Variants in TRIB2 observed in about 807,000 individuals in gnomAD.
TRIB2 encodes the protein tribbles pseudokinase 2, also known as tribbles homolog 2.
Under a neutral mutation model 26.8 loss-of-function variants are expected in TRIB2, and 2 were observed. That is an observed-to-expected ratio of 0.07 (90% CI 0.03 to 0.24). The LOEUF (loss-of-function observed/expected upper bound fraction) is 0.24. Ranked by LOEUF, TRIB2 falls within the 10% of genes least tolerant of loss-of-function variation. TRIB2 has a pLI of 1.00. For missense variants in TRIB2, 306 were observed against 449.0 expected, an observed-to-expected ratio of 0.68 and a Z score of 2.88; for synonymous variants, 189 against 187.3, an observed-to-expected ratio of 1.01 and a Z score of -0.08.
At chr2:12,736,510 A>T (rs1256581823) in intron 2 of TRIB2, among the ~76,000 whole-genome samples, 1 of 152,118 alleles carries the variant, frequency 6.6e-6, no homozygotes, top group Non-Finnish European at 1.5e-5. Context: ...GCTGTCATTT[A>T]CAAAGCCCAT....
intron 2 of TRIB2, among the ~76,000 whole-genome samples, chr2:12,731,737 C>T (rs1006125802): frequency 2.0e-5 from 3 of 152,218 alleles, no homozygotes; most frequent in Non-Finnish European, 2.9e-5. Flanking sequence ...TCAAGTGCAG[C>T]GTCCCTGTCT....
chr2:12,739,642 C>T (rs1270577976), intron 2 of TRIB2, among the ~76,000 whole-genome samples: 1 of 152,148 alleles, frequency 6.6e-6, no homozygotes, highest in Non-Finnish European at 1.5e-5. Flanking sequence ...CTGCCTGGTC[C>T]TAAAGAGAGG....
rs924202975 is a variant in TRIB2, at chr2:12,741,724, C to T, written c.*930C>T. On this transcript the variant is annotated 3_prime_UTR_variant, in exon 3 of 3. Transcript: ENST00000155926. ...TCTGATGCTTTTGCAGTACTCTGAT[C>T]GCAACTAAACATTTGTCTTTGTTTT... 1.3e-5 allele frequency: 2 copies of T among 152,564 alleles called. No individual in the cohort carries two copies. The highest frequency in any genetic ancestry group is 4.8e-5 in the African/African-American group (2 of 41,456). 9.5% of individuals were successfully genotyped at this position (152,564 alleles called of 1,614,324 possible). A position where few individuals can be genotyped will look rare whatever the true frequency, so the allele number is the denominator to read the frequency against.
intron 2 of TRIB2, among the ~76,000 whole-genome samples, chr2:12,731,046 T>G (rs1661442208): frequency 6.6e-6 from 1 of 152,222 alleles, no homozygotes; most frequent in Non-Finnish European, 1.5e-5. Context: ...CCTACGGTGC[T>G]AGGTGTTGAT....
chr2:12,728,862 T>C (rs1283505285), intron 2 of TRIB2, among the ~76,000 whole-genome samples: 1 of 152,168 alleles, frequency 6.6e-6, no homozygotes, highest in African/African-American at 2.4e-5. Context: ...TTAGTATCTT[T>C]ATTGGCTTTT....
At chr2:12,728,903 A>G (rs1661388428) in intron 2 of TRIB2, among the ~76,000 whole-genome samples, 1 of 152,132 alleles carries the variant, frequency 6.6e-6, no homozygotes. Context: ...ACCCGCCTCC[A>G]TTGAGGTCTC....
intron 2 of TRIB2, among the ~76,000 whole-genome samples, chr2:12,739,207 A>G (rs1482178969): frequency 1.3e-5 from 2 of 152,252 alleles, no homozygotes; most frequent in African/African-American, 4.8e-5. Flanking sequence ...CCTTGGGAGT[A>G]TGAGGGGCAG....
chr2:12,718,157 C>G lies in TRIB2; in HGVS notation c.-151C>G, dbSNP rs1032047781. ...TCCGGCGGCGCCCATTTGGGGGCTT[C>G]TAACTCTTTCTCCACGCAGCCCCTC... On this transcript the variant is annotated 5_prime_UTR_variant, in exon 1 of 3. Coordinates refer to ENST00000155926, the MANE Select transcript of TRIB2 (RefSeq NM_021643.4). This position sits in a 1 kb window ranked among gnomAD's most constrained non-coding sequence, Gnocchi z 4.0. The G allele has an allele frequency of 8.8e-7, 1 of 1,137,414 alleles. No individual in the cohort carries two copies. The highest frequency in any genetic ancestry group is 1.6e-5 in the African/African-American group (1 of 63,730). The allele number at this position is 1,137,414 out of a possible 1,614,324, so 70.5% of individuals were successfully genotyped here.
chr2:12,736,434 C>A (rs769973387), intron 2 of TRIB2, among the ~76,000 whole-genome samples: 47 of 151,546 alleles, frequency 3.1e-4, no homozygotes, highest in Middle Eastern at 3.4e-3. Context: ...GTCATATCTC[C>A]CTCCCACCTT....
At chr2:12,729,472 AT>A (rs1306892266) in intron 2 of TRIB2, among the ~76,000 whole-genome samples, 2 of 152,174 alleles carry the variant, frequency 1.3e-5, no homozygotes, top group Admixed American at 1.3e-4. Flanking sequence ...AAACGTATAC[AT>A]CCCCTATGGA....
In TRIB2 at chr2:12,717,538, G is replaced by T. The variant is rs1666619486; in HGVS notation, c.-770G>T. 2.5e-6 allele frequency: 1 copy of T among 398,252 alleles called. No individual in the cohort carries two copies. The highest frequency in any genetic ancestry group is 4.4e-5 in the Admixed American group (1 of 22,706). The allele number at this position is 398,252 out of a possible 1,614,324, so 24.7% of individuals were successfully genotyped here. ...TGCGCCCAGCCCGCGCCGCAACTCT[G>T]TGCCCAGCTTTTGCAATCTTTTGTT... On this transcript the variant is annotated 5_prime_UTR_variant, in exon 1 of 3. Coordinates refer to ENST00000155926, the MANE Select transcript of TRIB2 (RefSeq NM_021643.4). The surrounding 1 kb of genome is among the most constrained non-coding windows in gnomAD (Gnocchi z 4.8).
chr2:12,722,732 A>AG (rs1202168335), intron 1 of TRIB2, among the ~76,000 whole-genome samples: 3 of 152,234 alleles, frequency 2.0e-5, no homozygotes, highest in Non-Finnish European at 4.4e-5. Flanking sequence ...CCATATCTGT[A>AG]AAATGAAAGT....
intron 2 of TRIB2, among the ~76,000 whole-genome samples, chr2:12,726,434 T>C (rs1052388121): frequency 6.6e-6 from 1 of 152,218 alleles, no homozygotes; most frequent in Non-Finnish European, 1.5e-5. Context: ...TGCCAGCACT[T>C]CCTGAGGGAA....
In TRIB2 at chr2:12,718,160, ACT is replaced by A; in HGVS notation, c.-145_-144del. The A allele has an allele frequency of 3.5e-6, 4 of 1,146,940 alleles. No individual in the cohort carries two copies. The highest frequency in any genetic ancestry group is 5.8e-5 in the Admixed American group (2 of 34,608). 71.0% of individuals were successfully genotyped at this position (1,146,940 alleles called of 1,614,324 possible). A position where few individuals can be genotyped will look rare whatever the true frequency, so the allele number is the denominator to read the frequency against. ...GGCGGCGCCCATTTGGGGGCTTCTA[ACT>A]CTTTCTCCACGCAGCCCCTCTTCTG... On this transcript the variant is annotated 5_prime_UTR_variant, in exon 1 of 3. Transcript: ENST00000155926. This position sits in a 1 kb window ranked among gnomAD's most constrained non-coding sequence, Gnocchi z 4.0.
chr2:12,724,517 A>C (rs1661294862), intron 2 of TRIB2: 1 of 1,506,968 alleles, frequency 6.6e-7, no homozygotes. Flanking sequence ...AGACCAGCTC[A>C]TATCTTGATC....
rs566704159 is a variant in TRIB2 at position 12,741,713 on chromosome 2, A to G, written c.*919A>G. The G allele has an allele frequency of 1.3e-5, 2 of 152,712 alleles. No homozygotes were observed. Among genetic ancestry groups the G allele is most frequent in the Non-Finnish European group, 2.9e-5 (2 of 68,046 alleles). 9.5% of individuals were successfully genotyped at this position (152,712 alleles called of 1,614,324 possible). A position where few individuals can be genotyped will look rare whatever the true frequency, so the allele number is the denominator to read the frequency against. Reference sequence around the variant, plus strand: ...AGCTCCTGGAGTCTGATGCTTTTGCAGTACTCTGATCGCAACTAAACATTT... The same window carrying G: ...AGCTCCTGGAGTCTGATGCTTTTGCGGTACTCTGATCGCAACTAAACATTT... On this transcript the variant is annotated 3_prime_UTR_variant, in exon 3 of 3. Transcript: ENST00000155926.
intron 2 of TRIB2, chr2:12,724,885 C>A (rs1191197024): frequency 3.9e-6 from 6 of 1,556,728 alleles, no homozygotes; most frequent in Non-Finnish European, 5.2e-6. Context: ...AAGGTATTCT[C>A]TCTACCCTTG....
chr2:12,718,134 C>G lies in TRIB2; in HGVS notation c.-174C>G, dbSNP rs764783048. On this transcript the variant is annotated 5_prime_UTR_variant, in exon 1 of 3. Transcript: ENST00000155926. This position sits in a 1 kb window ranked among gnomAD's most constrained non-coding sequence, Gnocchi z 4.0. ...CCGGGCTCGGAGCAGACGAGGTATC[C>G]GGCGGCGCCCATTTGGGGGCTTCTA... 1 of 894,386 alleles carries G rather than the reference C, an allele frequency of 1.1e-6. No homozygotes were observed. The highest frequency in any genetic ancestry group is 1.7e-5 in the African/African-American group (1 of 59,174). The allele number at this position is 894,386 out of a possible 1,614,324, so 55.4% of individuals were successfully genotyped here.
chr2:12,737,050 G>T (rs1281198868), intron 2 of TRIB2, among the ~76,000 whole-genome samples: 1 of 152,140 alleles, frequency 6.6e-6, no homozygotes, highest in African/African-American at 2.4e-5. Flanking sequence ...ACAGCAAACA[G>T]GCTGGGATGG....
Sources: allele counts gnomAD v4.1 joint callset (sites outside exome capture counted in the v4.1 genomes callset), GRCh38; gene constraint gnomAD v4.1.1; non-coding constraint Gnocchi (gnomAD v3.1); transcripts MANE v1.5; gene names NCBI Gene and HGNC (gene_info 2026-07-23, HGNC 2026-07-21).